Variants in UGT1A8 observed in about 807,000 individuals in gnomAD.
UGT1A8 encodes the protein UDP glucuronosyltransferase family 1 member A8.
In UGT1A8, 39 loss-of-function variants were observed where a neutral mutation model predicts 45.3. That is an observed-to-expected ratio of 0.86 (90% CI 0.67 to 1.12). UGT1A8 has a LOEUF of 1.12. Ranked by LOEUF, UGT1A8 falls within the 50% of genes most tolerant of loss-of-function variation. The probability of loss-of-function intolerance (pLI) is 0.00; values close to 1 mark genes in which losing one functional copy is unlikely to be tolerated. For synonymous variants in UGT1A8, 275 were observed against 249.2 expected (o/e 1.10, Z -0.97); for missense variants, 719 against 664.9 (o/e 1.08, Z -0.90).
In UGT1A8 at chr2:233,768,328, T is replaced by C. The variant is rs755527328; in HGVS notation, c.1184T>C (p.Met395Thr). The C allele has an allele frequency of 1.9e-6, 3 of 1,614,176 alleles. No homozygotes were observed. The highest frequency in any genetic ancestry group is 2.5e-6 in the Non-Finnish European group (3 of 1,180,040). ...ATGATGCCCTTGTTTGGTGATCAGATGGACAATGCAAAGCGCATGGAGACT... is the reference window on the plus strand; with the variant it reads ...ATGATGCCCTTGTTTGGTGATCAGACGGACAATGCAAAGCGCATGGAGACT... ...MVMMPLFGDQMDNAKRMETKG... is the reference protein window; with the variant it reads ...MVMMPLFGDQTDNAKRMETKG... The change falls in exon 4 of 5, where the codon ATG becomes ACG. Residue 395 changes from methionine (M) to threonine (T), a missense_variant. By Grantham distance (81) the Met-to-Thr change is moderately conservative. Transcript: ENST00000373450.
intron 1 of UGT1A8, among the ~76,000 whole-genome samples, chr2:233,705,479 T>C (rs961501470): frequency 1.1e-4 from 17 of 152,182 alleles, no homozygotes; most frequent in African/African-American, 3.9e-4. Flanking sequence ...ATGAGGCAAA[T>C]TTAATGATAA....
intron 1 of UGT1A8, among the ~76,000 whole-genome samples, chr2:233,738,509 G>A (rs533932753): frequency 1.3e-5 from 2 of 152,322 alleles, no homozygotes; most frequent in African/African-American, 4.8e-5. Context: ...CCAAAATGCT[G>A]ATAATGTTGT....
intron 1 of UGT1A8, among the ~76,000 whole-genome samples, chr2:233,735,014 T>C (rs902605197): frequency 1.3e-5 from 2 of 152,232 alleles, no homozygotes; most frequent in Non-Finnish European, 2.9e-5. Context: ...GAGAGTTCTG[T>C]AGATGTCTAT....
chr2:233,660,880 ATCT>A (rs1166028169), intron 1 of UGT1A8, among the ~76,000 whole-genome samples: 1 of 152,116 alleles, frequency 6.6e-6, no homozygotes, highest in African/African-American at 2.4e-5. Context: ...TGCTTCTGTT[ATCT>A]TGAGATTTTT....
rs34946247 is a variant in UGT1A8 at position 233,761,682 on chromosome 2, A to G, written c.856-5352A>G. Among the ~76,000 whole-genome samples, 259 of 152,380 alleles carry G rather than the reference A, an allele frequency of 1.7e-3. 1 individual carries two copies. The highest frequency in any genetic ancestry group is 5.9e-3 in the African/African-American group (244 of 41,588). On this transcript the variant is annotated intron_variant, in intron 1 of 4. Coordinates refer to ENST00000373450, the MANE Select transcript of UGT1A8 (RefSeq NM_019076.5). Reference sequence around the variant, plus strand: ...AATCACCAGACAGTCAGGTTCTGACATGATACAGAAAGGTTGTAGGTTTCA... The same window carrying G: ...AATCACCAGACAGTCAGGTTCTGACGTGATACAGAAAGGTTGTAGGTTTCA...
At chr2:233,729,448 A>C in intron 1 of UGT1A8, 2 of 1,614,064 alleles carry the variant, frequency 1.2e-6, no homozygotes, top group South Asian at 2.2e-5. Context: ...ACATTTTCTG[A>C]AGAAATTTTT....
At chr2:233,713,149 C>T (rs777655753) in intron 1 of UGT1A8, 6 of 1,614,056 alleles carry the variant, frequency 3.7e-6, no homozygotes, top group Admixed American at 3.3e-5. Flanking sequence ...GACCTCCATG[C>T]GAGAGGCCAC....
chr2:233,766,972 C>T, intron 1 of UGT1A8, 62 bp from the exon 2 acceptor site: 2 of 1,611,258 alleles, frequency 1.2e-6, no homozygotes, highest in South Asian at 1.1e-5. Context: ...TCATAACTTA[C>T]TGTATGTAGT....
chr2:233,635,659 G>A (rs922301661), intron 1 of UGT1A8, among the ~76,000 whole-genome samples: 2 of 150,702 alleles, frequency 1.3e-5, no homozygotes, highest in Non-Finnish European at 2.9e-5. Context: ...GTGAAAGAAG[G>A]GTAAAAACAC....
intron 1 of UGT1A8, chr2:233,718,661 A>C: frequency 6.5e-7 from 1 of 1,533,598 alleles, no homozygotes; most frequent in Non-Finnish European, 8.8e-7. Flanking sequence ...AAAGGCAGTT[A>C]TAGATTAATG....
rs541555722 is a variant in UGT1A8 at position 233,725,921 on chromosome 2, T to C, written c.856-41113T>C. On this transcript the variant is annotated intron_variant, in intron 1 of 4. Coordinates refer to ENST00000373450, the MANE Select transcript of UGT1A8 (RefSeq NM_019076.5). ...TGGCTCACACCTGCAATTTCAGCCC[T>C]TTGGGAGACTGATGCAGGAGGATTG... Among the ~76,000 whole-genome samples the C allele has an allele frequency of 3.0e-4, 46 of 152,308 alleles. No individual in the cohort carries two copies. The South Asian group carries it at 8.7e-3, about 29-fold the overall frequency.
At chr2:233,746,611 C>A (rs1265902828) in intron 1 of UGT1A8, among the ~76,000 whole-genome samples, 1 of 151,736 alleles carries the variant, frequency 6.6e-6, no homozygotes. Context: ...GTTCACCTGA[C>A]CCCTCCTTTC....
At chr2:233,767,701 T>C in intron 2 of UGT1A8, 148 bp from the exon 3 acceptor site, 1 of 1,506,270 alleles carries the variant, frequency 6.6e-7, no homozygotes, top group Admixed American at 2.1e-5. Flanking sequence ...AAGTTGCCAG[T>C]CCTCAGAAGC....
chr2:233,682,170 C>T, intron 1 of UGT1A8: 1 of 1,614,210 alleles, frequency 6.2e-7, no homozygotes, highest in Non-Finnish European at 8.5e-7. Context: ...AAGACTTACT[C>T]AACCTCATAC....
In UGT1A8 at chr2:233,719,639, G is replaced by A. The variant is rs771839689; in HGVS notation, c.856-47395G>A. The A allele has an allele frequency of 2.5e-6, 4 of 1,614,048 alleles. No individual in the cohort carries two copies. In the Admixed American group the frequency reaches 6.7e-5, roughly 27 times the overall value. ...ACCCCAGGCCGATCATGCCCAACAT[G>A]GTCTTCATTGGGGGCATCAACTGTG... On this transcript the variant is annotated intron_variant, in intron 1 of 4. Coordinates refer to ENST00000373450, the MANE Select transcript of UGT1A8 (RefSeq NM_019076.5).
Position 233,672,273 on chromosome 2 carries a change from C to T in UGT1A8, c.855+53711C>T, listed in dbSNP as rs760653064. On this transcript the variant is annotated intron_variant, in intron 1 of 4. Coordinates refer to ENST00000373450, the MANE Select transcript of UGT1A8 (RefSeq NM_019076.5). Reference sequence around the variant, plus strand: ...TATATTCTCTATTAATGGGTTCATACAATGACATTTTTGACTTATTTTTTT... The same window carrying T: ...TATATTCTCTATTAATGGGTTCATATAATGACATTTTTGACTTATTTTTTT... The T allele has an allele frequency of 5.5e-5, 88 of 1,613,734 alleles. 1 individual carries two copies. Among genetic ancestry groups the T allele is most frequent in the Non-Finnish European group, 6.3e-5 (74 of 1,179,806 alleles).
intron 1 of UGT1A8, among the ~76,000 whole-genome samples, chr2:233,721,312 CTCTTT>C (rs1419139960): frequency 1.3e-5 from 2 of 152,056 alleles, no homozygotes; most frequent in Non-Finnish European, 2.9e-5. Context: ...GTGATTGTGG[CTCTTT>C]TCTTGTGGTT....
chr2:233,732,649 T>A (rs1277173996), intron 1 of UGT1A8, among the ~76,000 whole-genome samples: 1 of 152,232 alleles, frequency 6.6e-6, no homozygotes, highest in Admixed American at 6.5e-5. Context: ...ACCACTGTTC[T>A]GCTCCATTGG....
At chr2:233,663,087 T>C (rs1405099443) in intron 1 of UGT1A8, among the ~76,000 whole-genome samples, 1 of 152,190 alleles carries the variant, frequency 6.6e-6, no homozygotes, top group Non-Finnish European at 1.5e-5. Context: ...TGCAGAACTC[T>C]CTTCATCTTC....
Sources: allele counts gnomAD v4.1 joint callset (sites outside exome capture counted in the v4.1 genomes callset), GRCh38; gene constraint gnomAD v4.1.1; transcripts MANE v1.5; gene names NCBI Gene and HGNC (gene_info 2026-07-23, HGNC 2026-07-21).